NCALD: variants seen among roughly 807,000 people sequenced by gnomAD.
The protein encoded by NCALD is neurocalcin delta, also known as neurocalcin-delta.
A neutral mutation model predicts 18.6 loss-of-function variants in NCALD; 10 were observed. The observed-to-expected ratio is 0.54, with a 90% CI of 0.33 to 0.91. The LOEUF is 0.91. Ranked by LOEUF, NCALD falls within the 40% of genes least tolerant of loss-of-function variation. NCALD has a pLI of 0.03. For synonymous variants in NCALD, 88 were observed against 87.4 expected (o/e 1.01, Z -0.04); for missense variants, 184 against 247.6 (o/e 0.74, Z 1.72).
chr8:101,738,999 C>T (rs1334845207), intron 1 of NCALD, among the ~76,000 whole-genome samples: 2 of 152,128 alleles, frequency 1.3e-5, no homozygotes, highest in Admixed American at 6.6e-5. Context: ...ATTATCCCCC[C>T]ATTTAGGGTA....
At chr8:102,027,190 C>T (rs1018390559) in intron 1 of NCALD, among the ~76,000 whole-genome samples, 2 of 152,198 alleles carry the variant, frequency 1.3e-5, no homozygotes, top group African/African-American at 2.4e-5. Flanking sequence ...TTCAGCTCCT[C>T]GTTACTTATG....
At chr8:101,761,293 G>A (rs1002037425) in intron 1 of NCALD, among the ~76,000 whole-genome samples, 3 of 152,182 alleles carry the variant, frequency 2.0e-5, no homozygotes, top group Non-Finnish European at 4.4e-5. Context: ...GTGCTTTAAC[G>A]AGGCATCCAA....
chr8:101,845,773 T>G (rs529140771), intron 4 of NCALD, among the ~76,000 whole-genome samples: 1 of 152,312 alleles, frequency 6.6e-6, no homozygotes, highest in African/African-American at 2.4e-5. Context: ...ATAGAACTTA[T>G]TCTTTCCATC....
intron 4 of NCALD, among the ~76,000 whole-genome samples, chr8:101,855,696 G>A (rs1012828394): frequency 6.6e-6 from 1 of 152,112 alleles, no homozygotes; most frequent in African/African-American, 2.4e-5. Context: ...GAGTACAAGT[G>A]CATAGGTGGA....
intron 4 of NCALD, among the ~76,000 whole-genome samples, chr8:101,834,209 G>A (rs768460086): frequency 1.2e-4 from 18 of 152,218 alleles, no homozygotes; most frequent in Non-Finnish European, 2.6e-4. Context: ...ATGTGTGCAA[G>A]GTACATCAGT....
At chr8:102,024,081 A>T (rs35997023) in intron 1 of NCALD, among the ~76,000 whole-genome samples, 4,479 of 152,340 alleles carry the variant, frequency 0.029, 94 homozygotes, top group Non-Finnish European at 0.046. Flanking sequence ...TCTTATAAAG[A>T]AGAATGCCAG....
At chr8:101,854,718 C>T (rs901380237) in intron 4 of NCALD, among the ~76,000 whole-genome samples, 4 of 152,180 alleles carry the variant, frequency 2.6e-5, no homozygotes, top group Admixed American at 6.5e-5. Flanking sequence ...AGGGCTAACA[C>T]ACCGATTATC....
chr8:101,903,214 T>G (rs1276167681), intron 3 of NCALD, among the ~76,000 whole-genome samples: 1 of 151,220 alleles, frequency 6.6e-6, no homozygotes, highest in Non-Finnish European at 1.5e-5. Flanking sequence ...TTTTTTTTTT[T>G]TGAGATGGAG....
At chr8:101,716,649 C>T (rs978810684) in intron 2 of NCALD, among the ~76,000 whole-genome samples, 1 of 152,116 alleles carries the variant, frequency 6.6e-6, no homozygotes, top group Non-Finnish European at 1.5e-5. Flanking sequence ...GACTGAACGA[C>T]GGCCCCCAAA....
chr8:101,823,806 C>G (rs1432610719), intron 4 of NCALD, among the ~76,000 whole-genome samples: 3 of 152,160 alleles, frequency 2.0e-5, no homozygotes, highest in African/African-American at 4.8e-5. Context: ...CACCCAGTGG[C>G]AGCACCATTG....
rs1024832243 is a variant in NCALD, at chr8:102,042,221, G to A, written c.-209-21932C>T. 2.6e-5 allele frequency among the ~76,000 whole-genome samples: 4 copies of A among 152,064 alleles called. No homozygotes were observed. The East Asian group carries it at 7.7e-4, about 29-fold the overall frequency. On this transcript the variant is annotated intron_variant, in intron 1 of 6. Transcript: ENST00000311028. ...AAAGTTAATGAACAAGAACCAGTTA[G>A]AAGACAGAGACCTCTCAGCCACAAC...
chr8:101,946,749 AGAAG>A (rs953772956), intron 2 of NCALD, among the ~76,000 whole-genome samples: 1 of 150,208 alleles, frequency 6.7e-6, no homozygotes, highest in Non-Finnish European at 1.5e-5. Context: ...ATACATTTTA[AGAAG>A]GAATGAAATA....
At chr8:102,121,491 A>ATT (rs1421177601) in intron 1 of NCALD, among the ~76,000 whole-genome samples, 1 of 152,200 alleles carries the variant, frequency 6.6e-6, no homozygotes, top group Non-Finnish European at 1.5e-5. Context: ...CTGTTATCAT[A>ATT]CCAATACCAG....
intron 4 of NCALD, among the ~76,000 whole-genome samples, chr8:101,798,380 G>A (rs866528266): frequency 3.9e-5 from 6 of 152,158 alleles, no homozygotes; most frequent in African/African-American, 1.4e-4. Flanking sequence ...AACATGTAGA[G>A]ACTGAATTTT....
At chr8:101,859,244 G>A (rs6998151) in intron 4 of NCALD, among the ~76,000 whole-genome samples, 6,490 of 152,180 alleles carry the variant, frequency 0.043, 305 homozygotes, top group African/African-American at 0.12. Flanking sequence ...TCAGCTTTCC[G>A]ACTCTTAGAC....
chr8:102,103,452 T>C (rs967981764), intron 1 of NCALD, among the ~76,000 whole-genome samples: 4 of 152,192 alleles, frequency 2.6e-5, no homozygotes, highest in Admixed American at 1.3e-4. Flanking sequence ...GAGGGTTAAG[T>C]AACTTGCCCA....
chr8:102,072,798 G>A (rs1460924377), intron 1 of NCALD, among the ~76,000 whole-genome samples: 3 of 151,968 alleles, frequency 2.0e-5, no homozygotes, highest in African/African-American at 7.2e-5. Context: ...ATTAACCATG[G>A]GACACCATTC....
intron 3 of NCALD, among the ~76,000 whole-genome samples, chr8:101,894,041 C>T (rs1416134888): frequency 2.0e-5 from 3 of 147,436 alleles, no homozygotes; most frequent in African/African-American, 5.3e-5. Context: ...AACTCTCCAC[C>T]CCAAATCAAC....
chr8:101,906,552 G>A (rs1016109329), intron 3 of NCALD, among the ~76,000 whole-genome samples: 1 of 152,222 alleles, frequency 6.6e-6, no homozygotes, highest in African/African-American at 2.4e-5. Flanking sequence ...CAGCCAGGAT[G>A]CCAGCCACCG....
Sources: allele counts gnomAD v4.1 joint callset (sites outside exome capture counted in the v4.1 genomes callset), GRCh38; gene constraint gnomAD v4.1.1; transcripts MANE v1.5; gene names NCBI Gene and HGNC (gene_info 2026-07-23, HGNC 2026-07-21).